CACNB2: variants seen among roughly 807,000 people sequenced by gnomAD.
CACNB2 encodes the protein calcium voltage-gated channel auxiliary subunit beta 2.
CACNB2 carries 42 observed loss-of-function variants against 73.3 expected under a neutral mutation model. That is an observed-to-expected ratio of 0.57 (90% CI 0.45 to 0.74). The LOEUF is 0.74. Ranked by LOEUF, CACNB2 falls within the 30% of genes least tolerant of loss-of-function variation. The probability of loss-of-function intolerance (pLI) is 0.00; values close to 1 mark genes in which losing one functional copy is unlikely to be tolerated. For missense variants in CACNB2, 940 were observed against 853.0 expected (o/e 1.10, Z -1.27); for synonymous variants, 348 against 310.3 (o/e 1.12, Z -1.28).
chr10:18,317,679 C>T (rs948429564), intron 2 of CACNB2, among the ~76,000 whole-genome samples: 2 of 152,152 alleles, frequency 1.3e-5, no homozygotes, highest in African/African-American at 4.8e-5. Context: ...CTATTGTGAA[C>T]AGTGCTGCGA....
chr10:18,386,537 G>T (rs2043242657), intron 2 of CACNB2, among the ~76,000 whole-genome samples: 1 of 151,204 alleles, frequency 6.6e-6, no homozygotes, highest in Non-Finnish European at 1.5e-5. Context: ...CAAGTAGCTG[G>T]GACTACAGGC....
chr10:18,228,001 A>C (rs1175183701), intron 2 of CACNB2, among the ~76,000 whole-genome samples: 1 of 152,146 alleles, frequency 6.6e-6, no homozygotes, highest in African/African-American at 2.4e-5. Flanking sequence ...AGGAAAAAAA[A>C]ATTTGCAGTC....
chr10:18,510,452 G>C (rs2050705050), intron 6 of CACNB2, among the ~76,000 whole-genome samples: 2 of 152,042 alleles, frequency 1.3e-5, no homozygotes, highest in South Asian at 4.1e-4. Context: ...ACAGGCACCG[G>C]CCACCACACC....
At chr10:18,165,970 C>G (rs183101850) in intron 2 of CACNB2, among the ~76,000 whole-genome samples, 1 of 151,940 alleles carries the variant, frequency 6.6e-6, no homozygotes, top group Non-Finnish European at 1.5e-5. Flanking sequence ...GATTTTAGAT[C>G]GAAAGTAGTC....
chr10:18,140,664 G>A lies in CACNB2; in HGVS notation c.-73G>A, dbSNP rs1564288017. On this transcript the variant is annotated 5_prime_UTR_variant, in exon 1 of 14. Transcript: ENST00000324631. ...GGCCCCCAGAGCCGATCAGAGCGCG[G>A]GGAGGCGGGGGCGAGGAGGAGGGGA... 2 of 1,346,310 alleles carry A rather than the reference G, an allele frequency of 1.5e-6. No homozygotes were observed. The highest frequency in any genetic ancestry group is 1.0e-6 in the Non-Finnish European group (1 of 960,276). The allele number at this position is 1,346,310 out of a possible 1,614,324, so 83.4% of individuals were successfully genotyped here. A position where few individuals can be genotyped will look rare whatever the true frequency, so the allele number is the denominator to read the frequency against.
At chr10:18,243,961 C>T (rs534133810) in intron 2 of CACNB2, among the ~76,000 whole-genome samples, 1 of 152,318 alleles carries the variant, frequency 6.6e-6, no homozygotes, top group East Asian at 1.9e-4. Flanking sequence ...AGTTGGAAAC[C>T]TAGCTATGTC....
intron 2 of CACNB2, among the ~76,000 whole-genome samples, chr10:18,345,551 G>A (rs1289585319): frequency 1.3e-5 from 2 of 152,088 alleles, no homozygotes; most frequent in Admixed American, 1.3e-4. Flanking sequence ...GTCTCTGTAT[G>A]GGGGAGCTTC....
In CACNB2 at chr10:18,495,591, G is replaced by GTGTGTGTGTGTA. The variant is rs768160446; in HGVS notation, c.334-2763_334-2762insGTGTGTGTGTAT. Among the ~76,000 whole-genome samples the GTGTGTGTGTGTA allele has an allele frequency of 1.2e-3, 166 of 138,718 alleles. 1 individual carries two copies. The Middle Eastern group carries it at 0.019, about 15-fold the overall frequency. 91.0% of individuals were successfully genotyped at this position (138,718 alleles called of 152,430 possible). A position where few individuals can be genotyped will look rare whatever the true frequency, so the allele number is the denominator to read the frequency against. On this transcript the variant is annotated intron_variant, in intron 3 of 13. Transcript: ENST00000324631. ...TGTGTGTGTGTGTGTGTGTGTGTGT[G>GTGTGTGTGTGTA]TATAAGAGATGAGGTCTCACTTTGT...
intron 3 of CACNB2, among the ~76,000 whole-genome samples, chr10:18,493,959 G>T (rs893539873): frequency 1.3e-5 from 2 of 152,134 alleles, no homozygotes; most frequent in African/African-American, 4.8e-5. Context: ...AGATATTGAG[G>T]AATAGGTATC....
chr10:18,518,781 C>T, intron 8 of CACNB2, 129 bp from the exon 9 acceptor site: 2 of 810,450 alleles, frequency 2.5e-6, no homozygotes, highest in South Asian at 1.5e-5. Context: ...AATGCGGCAA[C>T]CTCATATTGC....
chr10:18,386,302 A>G (rs1179398183), intron 2 of CACNB2, among the ~76,000 whole-genome samples: 2 of 151,916 alleles, frequency 1.3e-5, no homozygotes, highest in Non-Finnish European at 2.9e-5. Flanking sequence ...AAGATGTATT[A>G]ATATATGAAG....
intron 3 of CACNB2, among the ~76,000 whole-genome samples, chr10:18,454,450 G>A (rs1257098918): frequency 6.6e-6 from 1 of 152,126 alleles, no homozygotes; most frequent in Non-Finnish European, 1.5e-5. Flanking sequence ...ATACCACCGT[G>A]TATTTTTCTA....
intron 2 of CACNB2, among the ~76,000 whole-genome samples, chr10:18,360,443 T>C (rs2042097311): frequency 6.6e-6 from 1 of 152,142 alleles, no homozygotes; most frequent in Non-Finnish European, 1.5e-5. Context: ...CGGGCTGATC[T>C]TAAATCCTGG....
chr10:18,489,390 CAAAAAAAA>C (rs66974116), intron 3 of CACNB2, among the ~76,000 whole-genome samples: 49 of 59,788 alleles, frequency 8.2e-4, no homozygotes, highest in African/African-American at 3.1e-3. Context: ...AACTCCATCT[CAAAAAAAA>C]AAAAAAAAAA....
chr10:18,472,203 A>G (rs1170827587), intron 3 of CACNB2, among the ~76,000 whole-genome samples: 1 of 139,354 alleles, frequency 7.2e-6, no homozygotes, highest in African/African-American at 2.7e-5. Context: ...TTCCTTTAAT[A>G]TCCGGCCCAC....
At chr10:18,402,476 G>T (rs2044057782) in intron 3 of CACNB2, among the ~76,000 whole-genome samples, 2 of 150,964 alleles carry the variant, frequency 1.3e-5, no homozygotes, top group Non-Finnish European at 2.9e-5. Context: ...TACTTCATAG[G>T]TGTTTTATGT....
chr10:18,226,083 G>A (rs997674159), intron 2 of CACNB2, among the ~76,000 whole-genome samples: 1 of 150,992 alleles, frequency 6.6e-6, no homozygotes, highest in African/African-American at 2.4e-5. Context: ...CTGGAGTGCT[G>A]TGGTGTGATC....
chr10:18,234,728 T>C (rs1413344518), intron 2 of CACNB2, among the ~76,000 whole-genome samples: 1 of 152,130 alleles, frequency 6.6e-6, no homozygotes, highest in Non-Finnish European at 1.5e-5. Context: ...CGGAGGAAGA[T>C]GAATGATTGT....
At chr10:18,489,145 A>G (rs1232874259) in intron 3 of CACNB2, among the ~76,000 whole-genome samples, 3 of 151,924 alleles carry the variant, frequency 2.0e-5, no homozygotes, top group Non-Finnish European at 2.9e-5. Flanking sequence ...AACCCCACCT[A>G]TACTAAAAAT....
Sources: gnomAD v4.1 joint callset for allele counts (sites outside exome capture counted in the v4.1 genomes callset) on GRCh38, gnomAD v4.1.1 for gene constraint, MANE v1.5 for transcripts, NCBI Gene and HGNC (gene_info 2026-07-23, HGNC 2026-07-21) for gene names.